ZFHX4: variants seen among roughly 807,000 people sequenced by gnomAD.
ZFHX4 encodes zinc finger homeobox 4.
Under a neutral mutation model 267.6 loss-of-function variants are expected in ZFHX4, and 56 were observed. That is an observed-to-expected ratio of 0.21 (90% confidence interval 0.17 to 0.26). The LOEUF (loss-of-function observed/expected upper bound fraction) is 0.26, where lower values mean the gene tolerates loss of function less well. Ranked by LOEUF, ZFHX4 falls within the 10% of genes least tolerant of loss-of-function variation. The probability of loss-of-function intolerance (pLI) is 1.00; values close to 1 mark genes in which losing one functional copy is unlikely to be tolerated. For missense variants in ZFHX4, 4,332 were observed against 4,420.0 expected (o/e 0.98, Z 0.56); for synonymous variants, 1,778 against 1,665.6 (o/e 1.07, Z -1.64).
chr8:76,850,112 A>G (rs1223681849), intron 8 of ZFHX4, 133 bp from the exon 9 acceptor site: 2 of 688,484 alleles, frequency 2.9e-6, no homozygotes, highest in East Asian at 5.5e-5. Context: ...ATTGATCTGT[A>G]ACATCTGCAA....
chr8:76,810,830 G>T (rs1221581569), intron 4 of ZFHX4, among the ~76,000 whole-genome samples: 3 of 152,000 alleles, frequency 2.0e-5, no homozygotes, highest in Non-Finnish European at 2.9e-5. Flanking sequence ...ATATAAATTG[G>T]AACGAGAAAT....
chr8:76,736,548 G>T (rs530617693), intron 3 of ZFHX4, among the ~76,000 whole-genome samples: 86 of 152,084 alleles, frequency 5.7e-4, no homozygotes, highest in African/African-American at 2.0e-3. Context: ...ATCAAAAAGA[G>T]AAATATAGTG....
At chr8:76,815,933 T>C (rs1363946580) in intron 4 of ZFHX4, among the ~76,000 whole-genome samples, 3 of 152,182 alleles carry the variant, frequency 2.0e-5, no homozygotes, top group African/African-American at 7.2e-5. Context: ...ACAAGTAACA[T>C]GTATGAGGTA....
intron 4 of ZFHX4, among the ~76,000 whole-genome samples, chr8:76,825,582 C>T (rs987548446): frequency 6.6e-6 from 1 of 152,130 alleles, no homozygotes; most frequent in African/African-American, 2.4e-5. Flanking sequence ...ACTGCTCAAG[C>T]AAAAAGAATA....
At chr8:76,766,762 T>A (rs551779495) in intron 3 of ZFHX4, among the ~76,000 whole-genome samples, 1 of 152,146 alleles carries the variant, frequency 6.6e-6, no homozygotes, top group African/African-American at 2.4e-5. Flanking sequence ...TTGATTTATA[T>A]AATATTATAA....
chr8:76,831,592 C>T (rs546850514), intron 4 of ZFHX4, among the ~76,000 whole-genome samples: 1 of 152,124 alleles, frequency 6.6e-6, no homozygotes, highest in African/African-American at 2.4e-5. Context: ...CTTACTCTGT[C>T]CTTACTTGAG....
At position 76,863,671 on chromosome 8, in the gene ZFHX4, C is replaced by T. The variant is rs1812940727; in HGVS notation, c.9957C>T (p.Tyr3319=). The T allele has an allele frequency of 6.2e-7, 1 of 1,604,956 alleles. No homozygotes were observed. Among genetic ancestry groups the T allele is most frequent in the Non-Finnish European group, 8.5e-7 (1 of 1,175,204 alleles). Residue 3319 remains tyrosine, a synonymous_variant, in exon 11 of 11, where the codon TAC becomes TAT. Transcript: ENST00000651372. ...CCCCAGGTGCACTGTTGCAGCAGTA[C>T]CAACAGTATCAGCAGAACCTGCAGG... is the stretch of plus-strand genomic sequence containing the variant. ...GLSPGALLQQ[Y]QQYQQNLQES... is the part of the protein sequence containing the mutation.
At chr8:76,848,009 T>A (rs543131078) in intron 6 of ZFHX4, among the ~76,000 whole-genome samples, 1 of 152,172 alleles carries the variant, frequency 6.6e-6, no homozygotes, top group Non-Finnish European at 1.5e-5. Context: ...GTCCTCACCC[T>A]GGAAATAATT....
intron 3 of ZFHX4, among the ~76,000 whole-genome samples, chr8:76,723,559 T>C (rs1808778655): frequency 1.3e-5 from 2 of 151,626 alleles, no homozygotes; most frequent in Non-Finnish European, 2.9e-5. Context: ...TCCCTTGCTT[T>C]TTTTTTTTAA....
rs554911728 is a variant in ZFHX4, at chr8:76,747,738, C to T, written c.3094-30470C>T. Among the ~76,000 whole-genome samples, 18 of 152,206 alleles carry T rather than the reference C, an allele frequency of 1.2e-4. No individual in the cohort carries two copies. In the South Asian group the frequency reaches 3.7e-3, roughly 32 times the overall value. On this transcript the variant is annotated intron_variant, in intron 3 of 10. Transcript: ENST00000651372. Reference sequence around the variant, plus strand: ...CCTGAGGTCAGGAGTTTGAGACCAGCCTGATTAAGGTGGTGAAACCCCATC... The same window carrying T: ...CCTGAGGTCAGGAGTTTGAGACCAGTCTGATTAAGGTGGTGAAACCCCATC...
chr8:76,721,769 C>T (rs1488765060), intron 3 of ZFHX4, among the ~76,000 whole-genome samples: 1 of 152,086 alleles, frequency 6.6e-6, no homozygotes, highest in Non-Finnish European at 1.5e-5. Flanking sequence ...GATGTTGTCA[C>T]ATTGTTGAAA....
At chr8:76,753,703 TCAAGCTCCATCTC>T (rs1809685350) in intron 3 of ZFHX4, among the ~76,000 whole-genome samples, 1 of 144,656 alleles carries the variant, frequency 6.9e-6, no homozygotes, top group Non-Finnish European at 1.5e-5. Context: ...GGCTCACTGC[TCAAGCTCCATCTC>T]CAAGCTCAAG....
chr8:76,828,432 A>G (rs78445748), intron 4 of ZFHX4, among the ~76,000 whole-genome samples: 4,908 of 152,290 alleles, frequency 0.032, 134 homozygotes, highest in Non-Finnish European at 0.046. Flanking sequence ...AGAAAAAGTT[A>G]AACTGTCTGA....
At chr8:76,752,692 C>G (rs956240994) in intron 3 of ZFHX4, among the ~76,000 whole-genome samples, 3 of 151,370 alleles carry the variant, frequency 2.0e-5, no homozygotes, top group Non-Finnish European at 4.4e-5. Flanking sequence ...CAAAACAATA[C>G]AAAAAACAAA....
At chr8:76,777,196 G>A (rs1810420900) in intron 3 of ZFHX4, among the ~76,000 whole-genome samples, 1 of 152,036 alleles carries the variant, frequency 6.6e-6, no homozygotes, top group Admixed American at 6.6e-5. Context: ...TGTTTGTATG[G>A]AATTGAACTA....
chr8:76,850,336 C>G lies in ZFHX4; in HGVS notation c.3938C>G (p.Thr1313Arg), dbSNP rs1812481298. ...GAGCGGGACACACCTGCAGCCGTGACAGCTGAGGGGTCTGGGAAATATTCA... is the reference window on the plus strand; with the variant it reads ...GAGCGGGACACACCTGCAGCCGTGAGAGCTGAGGGGTCTGGGAAATATTCA... ...KSERDTPAAV[T>R]AEGSGKYSGE... Residue 1313 changes from threonine (T) to arginine (R), a missense_variant, in exon 9 of 11, where the codon ACA becomes AGA. Coordinates refer to ENST00000651372, the MANE Select transcript of ZFHX4 (RefSeq NM_024721.5). The G allele has an allele frequency of 6.2e-7, 1 of 1,612,576 alleles. No individual in the cohort carries two copies. The highest frequency in any genetic ancestry group is 8.5e-7 in the Non-Finnish European group (1 of 1,179,390).
At chr8:76,755,041 G>A (rs1318340914) in intron 3 of ZFHX4, among the ~76,000 whole-genome samples, 1 of 152,132 alleles carries the variant, frequency 6.6e-6, no homozygotes, top group Non-Finnish European at 1.5e-5. Flanking sequence ...CACCCTGTGG[G>A]TTGCCATTCT....
intron 3 of ZFHX4, 156 bp downstream of exon 3, chr8:76,708,204 T>G: frequency 1.1e-6 from 1 of 911,344 alleles, no homozygotes; most frequent in Non-Finnish European, 1.7e-6. Context: ...AAAAACATAT[T>G]GAAATATATG....
chr8:76,840,164 C>T (rs1301478805), intron 5 of ZFHX4, among the ~76,000 whole-genome samples: 1 of 152,168 alleles, frequency 6.6e-6, no homozygotes, highest in African/African-American at 2.4e-5. Flanking sequence ...AGCTAATTGC[C>T]TGCCTACTTC....
Sources: allele counts gnomAD v4.1 joint callset (sites outside exome capture counted in the v4.1 genomes callset), GRCh38; gene constraint gnomAD v4.1.1; transcripts MANE v1.5; gene names NCBI Gene and HGNC (gene_info 2026-07-23, HGNC 2026-07-21).